STRAP: variants seen among roughly 807,000 people sequenced by gnomAD.
The protein encoded by STRAP is serine/threonine kinase receptor associated protein.
A neutral mutation model predicts 47.0 loss-of-function variants in STRAP; 16 were observed. The ratio of observed to expected loss-of-function variants is 0.34; its 90% CI spans 0.23 to 0.52. The LOEUF (loss-of-function observed/expected upper bound fraction) is 0.52, where lower values mean the gene tolerates loss of function less well. Among genes scored for constraint, STRAP ranks in the 20% least tolerant of loss-of-function variants. STRAP has a pLI of 0.96. For missense variants in STRAP, 293 were observed against 420.0 expected, an observed-to-expected ratio of 0.70 and a Z score of 2.64; for synonymous variants, 130 against 142.7, an observed-to-expected ratio of 0.91 and a Z score of 0.63.
At chr12:15,901,131 A>T (rs1011568560) in intron 9 of STRAP, 119 bp downstream of exon 9, 1 of 689,720 alleles carries the variant, frequency 1.4e-6, no homozygotes, top group Non-Finnish European at 2.2e-6. Context: ...TAAATAATGG[A>T]AACTTTAAAT....
chr12:15,888,441 T>A (rs1292063864), intron 2 of STRAP, among the ~76,000 whole-genome samples: 1 of 152,190 alleles, frequency 6.6e-6, no homozygotes, highest in East Asian at 1.9e-4. Context: ...CTAGGGAGTT[T>A]AGCAGCAAGG....
chr12:15,897,129 G>T (rs904050092), intron 6 of STRAP, among the ~76,000 whole-genome samples: 3 of 152,192 alleles, frequency 2.0e-5, no homozygotes, highest in Non-Finnish European at 4.4e-5. Flanking sequence ...GCTATGTAGT[G>T]ATCCTGCATA....
intron 2 of STRAP, among the ~76,000 whole-genome samples, chr12:15,885,180 G>GTTTGTTTTTT (rs1947958959): frequency 1.0e-5 from 1 of 99,592 alleles, no homozygotes; most frequent in African/African-American, 4.3e-5. Flanking sequence ...TACAAGTGGT[G>GTTTGTTTTTT]TTTTTTTTTT....
Position 15,887,209 on chromosome 12 carries a change from G to C in STRAP, c.249-2719G>C, listed in dbSNP as rs899274657. The stretch of plus-strand genomic sequence containing the variant: ...AAATCTTAAACTGGCCTGTTTTGTT[G>C]AAGGTTTAAATAAGTAAGTTAAGCA... On this transcript the variant is annotated intron_variant, in intron 2 of 9. Coordinates refer to ENST00000419869, the MANE Select transcript of STRAP (RefSeq NM_007178.4). This position sits in a 1 kb window ranked among gnomAD's most constrained non-coding sequence, Gnocchi z 5.5. Among the ~76,000 whole-genome samples, 1 of 152,150 alleles carries C rather than the reference G, an allele frequency of 6.6e-6. No homozygotes were observed. Among genetic ancestry groups the C allele is most frequent in the African/African-American group, 2.4e-5 (1 of 41,420 alleles).
intron 2 of STRAP, among the ~76,000 whole-genome samples, chr12:15,885,506 T>A (rs1164442230): frequency 6.6e-6 from 1 of 150,568 alleles, no homozygotes; most frequent in African/African-American, 2.5e-5. Context: ...TTTTTTTTTT[T>A]AACAACCTCA....
intron 4 of STRAP, among the ~76,000 whole-genome samples, chr12:15,893,742 A>G (rs1418764709): frequency 6.6e-6 from 1 of 150,668 alleles, no homozygotes; most frequent in Non-Finnish European, 1.5e-5. Flanking sequence ...TTATTATACA[A>G]TAATGCTTTT....
At chr12:15,884,243 A>G (rs572727588) in intron 2 of STRAP, among the ~76,000 whole-genome samples, 213 of 152,314 alleles carry the variant, frequency 1.4e-3, no homozygotes, top group African/African-American at 4.5e-3. Context: ...CCTGACTCCA[A>G]TGTTCCTTCA....
intron 7 of STRAP, among the ~76,000 whole-genome samples, chr12:15,898,827 C>T (rs1447841169): frequency 2.0e-5 from 3 of 152,028 alleles, no homozygotes; most frequent in Non-Finnish European, 4.4e-5. Context: ...CCTGCTTTAC[C>T]AAAGAACGAA....
intron 1 of STRAP, 193 bp downstream of exon 1, chr12:15,883,012 C>A: frequency 1.3e-6 from 2 of 1,504,778 alleles, no homozygotes; most frequent in Non-Finnish European, 1.8e-6. Context: ...GCCGAGAGGA[C>A]GCTTTTGTAG....
chr12:15,901,331 T>G (rs1055798420), intron 9 of STRAP, among the ~76,000 whole-genome samples: 2 of 151,838 alleles, frequency 1.3e-5, no homozygotes, highest in Non-Finnish European at 2.9e-5. Context: ...CCTAGAGAAG[T>G]GACATTTAAA....
rs1948001071 is a variant in STRAP, at chr12:15,889,965, A to G, written c.286A>G (p.Thr96Ala). Residue 96 changes from threonine to alanine, a missense_variant, in exon 3 of 10, where the codon ACC (threonine) becomes GCC (alanine). By Grantham distance (58) the Thr-to-Ala change is moderately conservative (BLOSUM62 0). Transcript: ENST00000419869. ...TGCTGTCTCAGGAGATGAATTGATG[A>G]CCCTGGCTCATAAACACATTGTCAA... ...WDAVSGDELM[T>A]LAHKHIVKTV... 6.2e-7 allele frequency: 1 copy of G among 1,613,730 alleles called. No homozygotes were observed. The highest frequency in any genetic ancestry group is 1.3e-5 in the African/African-American group (1 of 74,894).
In STRAP at chr12:15,890,502, G is replaced by C. The variant is rs2136109612; in HGVS notation, c.331-95G>C. The C allele has an allele frequency of 9.6e-7, 1 of 1,037,832 alleles. No homozygotes were observed. Among genetic ancestry groups the C allele is most frequent in the East Asian group, 2.5e-5 (1 of 40,552 alleles). The allele number at this position is 1,037,832 out of a possible 1,614,324, so 64.3% of individuals were successfully genotyped here. A position where few individuals can be genotyped will look rare whatever the true frequency, so the allele number is the denominator to read the frequency against. On this transcript the variant is annotated intron_variant, in intron 3 of 9. Coordinates refer to ENST00000419869, the MANE Select transcript of STRAP (RefSeq NM_007178.4). The surrounding 1 kb of genome is among the most constrained non-coding windows in gnomAD (Gnocchi z 4.5). Reference sequence around the variant, plus strand: ...GTCTTGGCATCTCTTTGTGATGTCTGTGAGCTAGATTTTGATTTTATTTGG... The same window carrying C: ...GTCTTGGCATCTCTTTGTGATGTCTCTGAGCTAGATTTTGATTTTATTTGG...
chr12:15,902,885 C>CTTTTTTTTTTTTTTTTTTTT (rs71042274), intron 9 of STRAP, 32 bp from the exon 10 acceptor site: 1 of 955,904 alleles, frequency 1.0e-6, no homozygotes, highest in Non-Finnish European at 1.4e-6. Context: ...ACTAATGTGA[C>CTTTTTTTTTTTTTTTTTTTT]TTTTTTTTTT....
chr12:15,903,101 A>G lies in STRAP; in HGVS notation c.*123A>G, dbSNP rs1329305733. On this transcript the variant is annotated 3_prime_UTR_variant, in exon 10 of 10. Transcript: ENST00000419869. ...CAGCAGTAAATAATGAGGAAAATGA[A>G]TTAGCTCCAGTGCTGGAACAACTAA... The G allele has an allele frequency of 5.4e-6, 6 of 1,106,460 alleles. No homozygotes were observed. The East Asian group carries it at 1.6e-4, about 29-fold the overall frequency. The allele number at this position is 1,106,460 out of a possible 1,614,324, so 68.5% of individuals were successfully genotyped here. A position where few individuals can be genotyped will look rare whatever the true frequency, so the allele number is the denominator to read the frequency against.
rs201690140 is a variant in STRAP, at chr12:15,882,765, T to C, written c.58T>C (p.Leu20=). The change falls in exon 1 of 10, where the codon TTG becomes CTG. Residue 20 remains leucine (L), a synonymous_variant. Coordinates refer to ENST00000419869, the MANE Select transcript of STRAP (RefSeq NM_007178.4). ...CSGHTRPVVD[L]AFSGITPYGY... ...TGGCCACACGCGACCCGTGGTTGAT[T>C]TGGCCTTCAGTGGCATCACGCCTTA... 1 of 1,613,864 alleles carries C rather than the reference T, an allele frequency of 6.2e-7. No individual in the cohort carries two copies. Among genetic ancestry groups the C allele is most frequent in the Non-Finnish European group, 8.5e-7 (1 of 1,179,990 alleles).
intron 9 of STRAP, 25 bp downstream of exon 9, chr12:15,901,037 GTAA>G (rs746642614): frequency 1.3e-6 from 2 of 1,560,050 alleles, no homozygotes; most frequent in South Asian, 2.5e-5. Context: ...ATTGACTTTT[GTAA>G]GAGTCTTGGG....
At chr12:15,884,571 TA>T (rs1947953104) in intron 2 of STRAP, among the ~76,000 whole-genome samples, 2 of 151,758 alleles carry the variant, frequency 1.3e-5, no homozygotes, top group African/African-American at 4.8e-5. Context: ...CATTTAAAAA[TA>T]TTTTTTAATA....
intron 6 of STRAP, among the ~76,000 whole-genome samples, chr12:15,897,174 T>A (rs1235828721): frequency 1.3e-5 from 2 of 152,210 alleles, no homozygotes; most frequent in Non-Finnish European, 1.5e-5. Context: ...TGCTTTAAAG[T>A]ATATGATGAT....
Position 15,890,806 on chromosome 12 carries a change from T to C in STRAP, c.403+137T>C, listed in dbSNP as rs1184047129. 4 of 673,358 alleles carry C rather than the reference T, an allele frequency of 5.9e-6. No homozygotes were observed. Among genetic ancestry groups the C allele is most frequent in the Non-Finnish European group, 9.8e-6 (4 of 408,816 alleles). The allele number at this position is 673,358 out of a possible 1,614,324, so 41.7% of individuals were successfully genotyped here. A position where few individuals can be genotyped will look rare whatever the true frequency, so the allele number is the denominator to read the frequency against. The stretch of plus-strand genomic sequence containing the variant: ...CGGGCACGGTGGCTCATACCTGTAA[T>C]CCTAGCACTTTGGGAGACTGAGGCG... On this transcript the variant is annotated intron_variant, in intron 4 of 9. Coordinates refer to ENST00000419869, the MANE Select transcript of STRAP (RefSeq NM_007178.4). The surrounding 1 kb of genome is among the most constrained non-coding windows in gnomAD (Gnocchi z 4.5).
Sources: allele counts gnomAD v4.1 joint callset (sites outside exome capture counted in the v4.1 genomes callset), GRCh38; gene constraint gnomAD v4.1.1; non-coding constraint Gnocchi (gnomAD v3.1); transcripts MANE v1.5; gene names NCBI Gene and HGNC (gene_info 2026-07-23, HGNC 2026-07-21).